Variants in THBS4 observed in about 807,000 individuals in gnomAD.
The protein encoded by THBS4 is thrombospondin-4.
A neutral mutation model predicts 115.7 loss-of-function variants in THBS4; 90 were observed. That is an observed-to-expected ratio of 0.78 (90% CI 0.66 to 0.93). The LOEUF (loss-of-function observed/expected upper bound fraction) is 0.93. Ranked by LOEUF, THBS4 falls within the 40% of genes least tolerant of loss-of-function variation. The pLI is 0.00. For synonymous variants in THBS4, 460 were observed against 479.3 expected (o/e 0.96, Z 0.53); for missense variants, 1,087 against 1,232.7 (o/e 0.88, Z 1.77).
At chr5:80,051,099 T>C (rs558647525) in intron 2 of THBS4, among the ~76,000 whole-genome samples, 18 of 152,228 alleles carry the variant, frequency 1.2e-4, no homozygotes, top group Non-Finnish European at 2.5e-4. Flanking sequence ...TGGGATAAGA[T>C]AGGGCAAGAT....
intron 1 of THBS4, among the ~76,000 whole-genome samples, chr5:80,038,394 A>G (rs992981365): frequency 6.6e-6 from 1 of 152,192 alleles, no homozygotes; most frequent in Non-Finnish European, 1.5e-5. Context: ...TTTTAAAAAT[A>G]GGTAGTATTC....
At chr5:80,021,774 CCT>C (rs1832382701) in intron 2 of THBS4, among the ~76,000 whole-genome samples, 2 of 152,246 alleles carry the variant, frequency 1.3e-5, no homozygotes, top group East Asian at 3.9e-4. Flanking sequence ...CCTTCGGCCT[CCT>C]AAAGTACAAG....
chr5:80,064,118 C>G (rs955721916), intron 8 of THBS4, among the ~76,000 whole-genome samples: 2 of 152,182 alleles, frequency 1.3e-5, no homozygotes, highest in Admixed American at 6.5e-5. Context: ...CCTTTAGTAG[C>G]CCTAAGAAAC....
rs1319207990 is a variant in THBS4 at position 80,076,892 on chromosome 5, C to T, written c.1930C>T (p.Pro644Ser). The T allele has an allele frequency of 6.2e-7, 1 of 1,609,542 alleles. No individual in the cohort carries two copies. Among genetic ancestry groups the T allele is most frequent in the African/African-American group, 1.3e-5 (1 of 74,966 alleles). The stretch of plus-strand genomic sequence containing the variant: ...GCACCAGGACAGCACAGACAACTGC[C>T]CCACCGTCATTAACAGTGCCCAGCT... Reference protein sequence around the residue: ...DGHQDSTDNCPTVINSAQLDT... With the variant: ...DGHQDSTDNCSTVINSAQLDT... Residue 644 changes from proline to serine, a missense_variant, in exon 16 of 22, where the codon CCC becomes TCC. Coordinates refer to ENST00000350881, the MANE Select transcript of THBS4 (RefSeq NM_003248.6).
chr5:79,996,387 CA>C (rs1384946699), intron 1 of THBS4, among the ~76,000 whole-genome samples: 1 of 151,268 alleles, frequency 6.6e-6, no homozygotes, highest in Non-Finnish European at 1.5e-5. Flanking sequence ...TATATTTTAC[CA>C]ATTATTTTAA....
chr5:80,058,963 T>A (rs141275685), intron 5 of THBS4, among the ~76,000 whole-genome samples, 173 bp downstream of exon 5: 12 of 151,732 alleles, frequency 7.9e-5, no homozygotes, highest in Middle Eastern at 3.4e-3. Context: ...GGAAATGGGG[T>A]CCAAGCTCGT....
chr5:80,016,914 T>C (rs998166234), intron 2 of THBS4, among the ~76,000 whole-genome samples: 6 of 152,244 alleles, frequency 3.9e-5, no homozygotes, highest in African/African-American at 1.2e-4. Flanking sequence ...ACTTCCCAGA[T>C]GTCAATCTTC....
At chr5:80,078,436 A>G (rs1743326468) in intron 17 of THBS4, among the ~76,000 whole-genome samples, 1 of 152,250 alleles carries the variant, frequency 6.6e-6, no homozygotes, top group Admixed American at 6.5e-5. Context: ...TGATTGTAGC[A>G]GCTTTAATGA....
intron 6 of THBS4, 42 bp from the exon 7 acceptor site, chr5:80,059,661 T>C: frequency 1.2e-6 from 2 of 1,608,856 alleles, no homozygotes; most frequent in South Asian, 1.1e-5. Context: ...CTGTATATCT[T>C]CCTGGCGGTG....
At chr5:80,056,502 C>T (rs912072306) in intron 3 of THBS4, among the ~76,000 whole-genome samples, 6 of 152,364 alleles carry the variant, frequency 3.9e-5, no homozygotes, top group African/African-American at 1.4e-4. Flanking sequence ...AGAACATCCA[C>T]TAACAAAAGG....
upstream of THBS4, among the ~76,000 whole-genome samples, chr5:80,033,757 T>C (rs1022156392): frequency 6.6e-6 from 1 of 152,222 alleles, no homozygotes; most frequent in Non-Finnish European, 1.5e-5. Context: ...AACCCTATTT[T>C]ATGTATCAGA....
At chr5:80,061,218 C>G (rs1833621904) in intron 7 of THBS4, among the ~76,000 whole-genome samples, 1 of 152,114 alleles carries the variant, frequency 6.6e-6, no homozygotes, top group South Asian at 2.1e-4. Context: ...ATGGACTTGA[C>G]AGGACATGGA....
chr5:80,070,642 G>A lies in THBS4; in HGVS notation c.1453-1G>A, dbSNP rs917508774. ...ACTCGGAACTGCATTTTCCCCCTAA[G>A]GACAACTGCAAATATGTGCCAAATT... On this transcript the variant is annotated splice_acceptor_variant, in intron 11 of 21. Transcript: ENST00000350881. LOFTEE classifies it high-confidence loss of function. The A allele has an allele frequency of 1.1e-5, 17 of 1,613,902 alleles. No homozygotes were observed. The African/African-American group carries it at 1.2e-4, about 11-fold the overall frequency.
At chr5:80,074,198 T>A (rs1743072338) in intron 15 of THBS4, 3 of 152,238 alleles carry the variant, frequency 2.0e-5, no homozygotes, top group East Asian at 1.9e-4. Context: ...AGGCTGTCAG[T>A]TTGCTGAGGG....
At chr5:79,995,971 C>T (rs1831783983) in intron 1 of THBS4, among the ~76,000 whole-genome samples, 4 of 86,208 alleles carry the variant, frequency 4.6e-5, no homozygotes, top group Admixed American at 1.2e-4. Context: ...ACAATCTCTA[C>T]TAAAAAAAAA....
chr5:80,079,122 A>G lies in THBS4; in HGVS notation c.2375A>G (p.Asp792Gly). ...EGTFHVNTQT[D>G]DDYAGFIFGY... is the part of the protein sequence containing the mutation. ...ACCTTCCATGTGAATACCCAGACAG[A>G]TGATGACTATGCAGGCTTTATCTTT... The change falls in exon 19 of 22, where the codon GAT becomes GGT. Residue 792 changes from aspartate (D) to glycine (G), a missense_variant. Around this residue, in one of 3 missense-constraint regions of THBS4, gnomAD observed 979 missense variants for 1,103.7 expected, o/e 0.89. Coordinates refer to ENST00000350881, the MANE Select transcript of THBS4 (RefSeq NM_003248.6). The G allele has an allele frequency of 1.2e-6, 2 of 1,614,220 alleles. No homozygotes were observed. Among genetic ancestry groups the G allele is most frequent in the Non-Finnish European group, 1.7e-6 (2 of 1,180,040 alleles).
intron 2 of THBS4, chr5:80,052,673 C>A (rs141788899): frequency 6.6e-6 from 1 of 152,182 alleles, no homozygotes; most frequent in Non-Finnish European, 1.5e-5. Flanking sequence ...CAGAACCTCA[C>A]GCCAACTGGC....
intron 1 of THBS4, among the ~76,000 whole-genome samples, chr5:80,038,563 G>A (rs577029343): frequency 6.6e-6 from 1 of 152,142 alleles, no homozygotes; most frequent in South Asian, 2.1e-4. Context: ...TCTCAGCCAA[G>A]CCCTTCTCTT....
At chr5:80,058,684 CTT>C in intron 4 of THBS4, 22 bp from the exon 5 acceptor site, 1 of 1,612,196 alleles carries the variant, frequency 6.2e-7, no homozygotes. Context: ...GCTGAAAACT[CTT>C]TGCCTTTTGC....
Sources: gnomAD v4.1 joint callset for allele counts (sites outside exome capture counted in the v4.1 genomes callset) on GRCh38, gnomAD v4.1.1 for gene constraint, gnomAD v4.1.1 regional missense constraint, MANE v1.5 for transcripts, NCBI Gene and HGNC (gene_info 2026-07-23, HGNC 2026-07-21) for gene names.